The following MVB12B variants were observed in gnomAD, a reference collection of about 807,000 sequenced individuals.
MVB12B encodes the protein multivesicular body subunit 12B.
Under a neutral mutation model 41.6 loss-of-function variants are expected in MVB12B, and 16 were observed. That is an observed-to-expected ratio of 0.38 (90% CI 0.26 to 0.58). The LOEUF is 0.58. Ranked by LOEUF, MVB12B falls within the 20% of genes least tolerant of loss-of-function variation. MVB12B has a pLI of 0.62. For missense variants in MVB12B, 274 were observed against 380.2 expected, an observed-to-expected ratio of 0.72 and a Z score of 2.32; for synonymous variants, 133 against 139.7, an observed-to-expected ratio of 0.95 and a Z score of 0.34.
Position 126,505,479 on chromosome 9 carries a change from T to C in MVB12B, c.*2216T>C, listed in dbSNP as rs942625522. ...AAGCGAGCTGGAGCCATCTTCTCCA[T>C]AGCATTACGGACTTAGCATAAGAGT... On this transcript the variant is annotated 3_prime_UTR_variant, in exon 10 of 10. Transcript: ENST00000361171. 3 of 152,250 alleles carry C rather than the reference T, an allele frequency of 2.0e-5. No individual in the cohort carries two copies. Among genetic ancestry groups the C allele is most frequent in the Non-Finnish European group, 4.4e-5 (3 of 68,048 alleles). 9.4% of individuals were successfully genotyped at this position (152,250 alleles called of 1,614,324 possible). A position where few individuals can be genotyped will look rare whatever the true frequency, so the allele number is the denominator to read the frequency against.
At position 126,505,693 on chromosome 9, in the gene MVB12B, T is replaced by G. The variant is rs964118166; in HGVS notation, c.*2430T>G. The G allele has an allele frequency of 2.0e-5, 3 of 149,532 alleles. No individual in the cohort carries two copies. Among genetic ancestry groups the G allele is most frequent in the African/African-American group, 7.3e-5 (3 of 41,238 alleles). The allele number at this position is 149,532 out of a possible 1,614,324, so 9.3% of individuals were successfully genotyped here. On this transcript the variant is annotated 3_prime_UTR_variant, in exon 10 of 10. Coordinates refer to ENST00000361171, the MANE Select transcript of MVB12B (RefSeq NM_033446.3). ...GTGTGTGTGTGTATATGTGTGTGTG[T>G]GCACGCACATGCGTGTGTATAAGCC... is the stretch of plus-strand genomic sequence containing the variant.
At chr9:126,379,206 T>A (rs1830569178) in intron 2 of MVB12B, among the ~76,000 whole-genome samples, 1 of 152,246 alleles carries the variant, frequency 6.6e-6, no homozygotes, top group African/African-American at 2.4e-5. Flanking sequence ...TATTTTTACA[T>A]TTTAGTGATT....
chr9:126,399,087 T>C (rs1383912050), intron 6 of MVB12B, among the ~76,000 whole-genome samples: 1 of 152,202 alleles, frequency 6.6e-6, no homozygotes, highest in African/African-American at 2.4e-5. Flanking sequence ...TCACCGGCTT[T>C]GGAGTTGTCC....
intron 9 of MVB12B, among the ~76,000 whole-genome samples, chr9:126,501,616 A>C (rs1328416634): frequency 6.6e-6 from 1 of 152,130 alleles, no homozygotes; most frequent in Non-Finnish European, 1.5e-5. Flanking sequence ...ACATGGCGCT[A>C]GTCTGTGGCC....
At chr9:126,330,300 T>TACA (rs1420086700) in intron 1 of MVB12B, among the ~76,000 whole-genome samples, 11 of 80,902 alleles carry the variant, frequency 1.4e-4, no homozygotes, top group African/African-American at 4.6e-4. Flanking sequence ...GTTCTTTCTT[T>TACA]CTTTACACAC....
intron 6 of MVB12B, among the ~76,000 whole-genome samples, chr9:126,418,293 A>T (rs1041556005): frequency 6.6e-6 from 1 of 152,212 alleles, no homozygotes; most frequent in African/African-American, 2.4e-5. Flanking sequence ...GGTCCCGGAC[A>T]TCAGTATTGC....
chr9:126,485,787 C>T (rs1833607610), intron 9 of MVB12B, among the ~76,000 whole-genome samples: 2 of 152,180 alleles, frequency 1.3e-5, no homozygotes, highest in Admixed American at 6.5e-5. Context: ...GACTGGCATG[C>T]GGATGATAAC....
chr9:126,450,103 A>G (rs1013232954), intron 7 of MVB12B, among the ~76,000 whole-genome samples: 9 of 152,256 alleles, frequency 5.9e-5, no homozygotes, highest in Admixed American at 5.9e-4. Flanking sequence ...AGAGCTCTGC[A>G]GTCAAGTTCA....
At chr9:126,358,642 T>C (rs2118884110) in intron 2 of MVB12B, among the ~76,000 whole-genome samples, 1 of 152,382 alleles carries the variant, frequency 6.6e-6, no homozygotes, top group South Asian at 2.1e-4. Flanking sequence ...ATTGACTTGG[T>C]ATTCTGCAAT....
intron 3 of MVB12B, among the ~76,000 whole-genome samples, chr9:126,383,548 A>T (rs1324802981): frequency 6.6e-6 from 1 of 152,240 alleles, no homozygotes; most frequent in Non-Finnish European, 1.5e-5. Flanking sequence ...AAAAATAATT[A>T]CAGTATACTA....
At position 126,389,799 on chromosome 9, in the gene MVB12B, G is replaced by A. The variant is rs1830894550; in HGVS notation, c.410-2267G>A. Among the ~76,000 whole-genome samples, 1 of 152,220 alleles carries A rather than the reference G, an allele frequency of 6.6e-6. No homozygotes were observed. The highest frequency in any genetic ancestry group is 1.9e-4 in the East Asian group (1 of 5,168). On this transcript the variant is annotated intron_variant, in intron 4 of 9. Transcript: ENST00000361171. This position sits in a 1 kb window ranked among gnomAD's most constrained non-coding sequence, Gnocchi z 4.4. Reference sequence around the variant, plus strand: ...GTTGGGTCTTGTCACACAGGAGGGTGGGCAGCAGGGGCCTCTTCATTTCCA... The same window carrying A: ...GTTGGGTCTTGTCACACAGGAGGGTAGGCAGCAGGGGCCTCTTCATTTCCA...
At chr9:126,425,138 T>C (rs898751030) in intron 7 of MVB12B, among the ~76,000 whole-genome samples, 1 of 152,166 alleles carries the variant, frequency 6.6e-6, no homozygotes, top group African/African-American at 2.4e-5. Flanking sequence ...CTGGGAGTGG[T>C]GGTGCATGCC....
chr9:126,432,727 C>G (rs1047939692), intron 7 of MVB12B, among the ~76,000 whole-genome samples: 4 of 152,194 alleles, frequency 2.6e-5, no homozygotes, highest in Admixed American at 2.6e-4. Context: ...CGTGGCAGGG[C>G]TGAGATTCAG....
chr9:126,494,863 A>ACCCC (rs200929920), intron 9 of MVB12B, among the ~76,000 whole-genome samples: 7 of 146,216 alleles, frequency 4.8e-5, no homozygotes, highest in South Asian at 2.2e-4. Context: ...ACCAGGGAGC[A>ACCCC]CCCCACCCCC....
Position 126,421,803 on chromosome 9 carries a change from C to A in MVB12B, c.663-51C>A, listed in dbSNP as rs1273383501. ...TTGATGGCGTCAGTGCTTCCTGAGT[C>A]TTGGGGAATGCTCCTTGTAATCTCC... On this transcript the variant is annotated intron_variant, in intron 6 of 9. Transcript: ENST00000361171. The A allele has an allele frequency of 2.8e-6, 4 of 1,424,246 alleles. No individual in the cohort carries two copies. In the South Asian group the frequency reaches 4.6e-5, roughly 16 times the overall value. 88.2% of individuals were successfully genotyped at this position (1,424,246 alleles called of 1,614,324 possible).
At chr9:126,496,849 G>A (rs1833846476) in intron 9 of MVB12B, among the ~76,000 whole-genome samples, 1 of 152,094 alleles carries the variant, frequency 6.6e-6, no homozygotes, top group Non-Finnish European at 1.5e-5. Flanking sequence ...GAGATAGGGT[G>A]CCCTGAAGGT....
At chr9:126,432,706 C>T (rs1485159651) in intron 7 of MVB12B, among the ~76,000 whole-genome samples, 1 of 152,174 alleles carries the variant, frequency 6.6e-6, no homozygotes, top group African/African-American at 2.4e-5. Context: ...CTCACAGTTA[C>T]ACCTGTGGTA....
At chr9:126,363,626 G>A (rs1830086149) in intron 2 of MVB12B, among the ~76,000 whole-genome samples, 1 of 152,186 alleles carries the variant, frequency 6.6e-6, no homozygotes. Flanking sequence ...AGACTTACAG[G>A]CAAATTCGTT....
chr9:126,399,091 G>A (rs1457154153), intron 6 of MVB12B, among the ~76,000 whole-genome samples: 2 of 152,200 alleles, frequency 1.3e-5, no homozygotes, highest in African/African-American at 4.8e-5. Flanking sequence ...CGGCTTTGGA[G>A]TTGTCCTTTT....
Sources: allele counts gnomAD v4.1 joint callset (sites outside exome capture counted in the v4.1 genomes callset), GRCh38; gene constraint gnomAD v4.1.1; non-coding constraint Gnocchi (gnomAD v3.1); transcripts MANE v1.5; gene names NCBI Gene and HGNC (gene_info 2026-07-23, HGNC 2026-07-21).